The following PHACTR1 variants were observed in gnomAD, a reference collection of about 807,000 sequenced individuals.
The protein encoded by PHACTR1 is RPEL repeat containing 1.
A neutral mutation model predicts 69.2 loss-of-function variants in PHACTR1; 16 were observed. The observed-to-expected ratio is 0.23, with a 90% CI of 0.16 to 0.35. The LOEUF is 0.35. PHACTR1 is among the 10% of genes least tolerant of loss of function. The probability of loss-of-function intolerance (pLI) is 1.00; values close to 1 mark genes in which losing one functional copy is unlikely to be tolerated. For missense variants in PHACTR1, 510 were observed against 734.7 expected, an observed-to-expected ratio of 0.69 and a Z score of 3.54; for synonymous variants, 312 against 284.5, an observed-to-expected ratio of 1.10 and a Z score of -0.97.
intron 5 of PHACTR1, among the ~76,000 whole-genome samples, chr6:13,108,694 T>C (rs191209925): frequency 1.3e-5 from 2 of 152,188 alleles, no homozygotes; most frequent in Admixed American, 1.3e-4. Context: ...AGTGTCTAAA[T>C]AGCATATCTT....
At chr6:13,286,799 G>A (rs1357109617) in intron 14 of PHACTR1, among the ~76,000 whole-genome samples, 1 of 152,230 alleles carries the variant, frequency 6.6e-6, no homozygotes. Context: ...CAAGTATTTA[G>A]TCTAGAGACT....
At chr6:13,067,872 CTACT>C (rs929719148) in intron 5 of PHACTR1, among the ~76,000 whole-genome samples, 12 of 152,240 alleles carry the variant, frequency 7.9e-5, no homozygotes, top group Non-Finnish European at 8.8e-5. Flanking sequence ...GTATGTGTGG[CTACT>C]TACTTCTAAG....
chr6:12,992,661 A>G (rs977571298), intron 4 of PHACTR1, among the ~76,000 whole-genome samples: 1 of 152,150 alleles, frequency 6.6e-6, no homozygotes, highest in African/African-American at 2.4e-5. Context: ...ATGCCAAGGA[A>G]ATTGAGGACG....
intron 11 of PHACTR1, 93 bp downstream of exon 11, chr6:13,273,008 T>C: frequency 6.5e-7 from 1 of 1,535,324 alleles, no homozygotes; most frequent in Non-Finnish European, 8.9e-7. Flanking sequence ...CTTGCGCCTC[T>C]GCGGAAAGCA....
rs564305129 is a variant in PHACTR1, at chr6:12,768,064, A to C, written c.250+18274A>C. On this transcript the variant is annotated intron_variant, in intron 4 of 14. Coordinates refer to ENST00000332995, the MANE Select transcript of PHACTR1 (RefSeq NM_030948.6). ...CAAGTTTGATATGACTAGGTACAAT[A>C]ACATCTCTCTCTATGGGGACAATCT... Among the ~76,000 whole-genome samples, 5 of 151,930 alleles carry C rather than the reference A, an allele frequency of 3.3e-5. No individual in the cohort carries two copies. The South Asian group carries it at 1.0e-3, about 32-fold the overall frequency.
At chr6:13,025,671 TTGTGTGTG>T (rs60800778) in intron 4 of PHACTR1, among the ~76,000 whole-genome samples, 44 of 140,314 alleles carry the variant, frequency 3.1e-4, no homozygotes, top group African/African-American at 6.8e-4. Context: ...CATATATTAT[TTGTGTGTG>T]TGTGTGTGTG....
intron 5 of PHACTR1, among the ~76,000 whole-genome samples, chr6:13,127,985 CCTT>C (rs930775576): frequency 5.3e-5 from 8 of 151,574 alleles, no homozygotes; most frequent in South Asian, 2.1e-4. Flanking sequence ...GCAAACATAT[CCTT>C]CTTCACATGG....
At chr6:12,873,867 G>A (rs146728516) in intron 4 of PHACTR1, among the ~76,000 whole-genome samples, 75 of 152,302 alleles carry the variant, frequency 4.9e-4, no homozygotes, top group Non-Finnish European at 9.0e-4. Flanking sequence ...GCCTCTACTT[G>A]GTTTTTGTAA....
At chr6:13,248,162 C>CAG (rs1422785544) in intron 10 of PHACTR1, among the ~76,000 whole-genome samples, 2 of 152,318 alleles carry the variant, frequency 1.3e-5, no homozygotes, top group Non-Finnish European at 1.5e-5. Context: ...AAGTTTCCCT[C>CAG]TCTCTTCACA....
intron 5 of PHACTR1, among the ~76,000 whole-genome samples, chr6:13,125,908 C>T (rs1819463166): frequency 6.6e-6 from 1 of 151,534 alleles, no homozygotes; most frequent in Admixed American, 6.6e-5. Context: ...CCATCCTGGG[C>T]AGCAGGAGTG....
chr6:13,030,918 A>G (rs1324945685), intron 4 of PHACTR1, among the ~76,000 whole-genome samples: 1 of 152,220 alleles, frequency 6.6e-6, no homozygotes. Context: ...ATCATTCTTT[A>G]CTATGGAAGA....
At chr6:13,018,426 G>A (rs1004469479) in intron 4 of PHACTR1, among the ~76,000 whole-genome samples, 1 of 152,090 alleles carries the variant, frequency 6.6e-6, no homozygotes, top group African/African-American at 2.4e-5. Flanking sequence ...TATTAGTTGT[G>A]GGGATTCAAT....
intron 4 of PHACTR1, among the ~76,000 whole-genome samples, chr6:12,907,426 C>A (rs1199061029): frequency 6.6e-6 from 1 of 152,178 alleles, no homozygotes; most frequent in Non-Finnish European, 1.5e-5. Context: ...TTGCTAGTGT[C>A]TTTTATTTCT....
At chr6:12,821,422 C>G (rs956715197) in intron 4 of PHACTR1, among the ~76,000 whole-genome samples, 2 of 147,940 alleles carry the variant, frequency 1.4e-5, no homozygotes, top group South Asian at 4.3e-4. Context: ...GAGATCGCAC[C>G]ACTGCACTCC....
intron 4 of PHACTR1, among the ~76,000 whole-genome samples, chr6:12,914,956 A>G (rs1786811180): frequency 6.6e-6 from 1 of 152,222 alleles, no homozygotes; most frequent in South Asian, 2.1e-4. Context: ...GTCACTCGGC[A>G]GCAGGAACTG....
intron 5 of PHACTR1, among the ~76,000 whole-genome samples, chr6:13,073,946 C>T (rs1435705423): frequency 6.6e-6 from 1 of 151,280 alleles, no homozygotes; most frequent in Non-Finnish European, 1.5e-5. Context: ...AATCTCGGCT[C>T]ACTGCAACCT....
At chr6:12,891,415 T>C (rs1266737125) in intron 4 of PHACTR1, among the ~76,000 whole-genome samples, 1 of 152,192 alleles carries the variant, frequency 6.6e-6, no homozygotes, top group Non-Finnish European at 1.5e-5. Flanking sequence ...TGTTCTGACT[T>C]TCTTATAAAT....
chr6:13,197,757 G>C (rs574688107), intron 7 of PHACTR1, among the ~76,000 whole-genome samples: 7 of 152,056 alleles, frequency 4.6e-5, no homozygotes, highest in Non-Finnish European at 1.0e-4. Flanking sequence ...TTCTGCCCTC[G>C]GCCCACAGCA....
At chr6:13,003,418 T>C (rs1363084776) in intron 4 of PHACTR1, among the ~76,000 whole-genome samples, 1 of 152,150 alleles carries the variant, frequency 6.6e-6, no homozygotes, top group African/African-American at 2.4e-5. Context: ...TGAGATAGAG[T>C]ATTTGTTTCA....
Sources: gnomAD v4.1 joint callset for allele counts (sites outside exome capture counted in the v4.1 genomes callset) on GRCh38, gnomAD v4.1.1 for gene constraint, MANE v1.5 for transcripts, NCBI Gene and HGNC (gene_info 2026-07-23, HGNC 2026-07-21) for gene names.